PCDHGA4: variants seen among roughly 807,000 people sequenced by gnomAD.
PCDHGA4 encodes the protein protocadherin gamma-A4.
PCDHGA4 carries 38 observed loss-of-function variants against 54.6 expected under a neutral mutation model. The ratio of observed to expected loss-of-function variants is 0.70; its 90% CI spans 0.54 to 0.91. PCDHGA4 has a LOEUF of 0.91. Ranked by LOEUF, PCDHGA4 falls within the 40% of genes least tolerant of loss-of-function variation. PCDHGA4 has a pLI of 0.00. For synonymous variants in PCDHGA4, 511 were observed against 512.9 expected, an observed-to-expected ratio of 1.00 and a Z score of 0.05; for missense variants, 1,298 against 1,220.9, an observed-to-expected ratio of 1.06 and a Z score of -0.94.
intron 1 of PCDHGA4, among the ~76,000 whole-genome samples, chr5:141,363,289 T>C (rs537756758): frequency 6.6e-5 from 10 of 152,254 alleles, no homozygotes; most frequent in Non-Finnish European, 1.5e-4. Flanking sequence ...CCTAATTATA[T>C]AGAATTTTTA....
chr5:141,456,678 T>C (rs2098875796), intron 1 of PCDHGA4, among the ~76,000 whole-genome samples: 1 of 152,152 alleles, frequency 6.6e-6, no homozygotes, highest in South Asian at 2.1e-4. Flanking sequence ...TAAAAATGCA[T>C]TACTGGCCAG....
At chr5:141,367,549 T>TAAAA (rs1765228447) in intron 1 of PCDHGA4, 1 of 147,156 alleles carries the variant, frequency 6.8e-6, no homozygotes, top group South Asian at 2.1e-4. Flanking sequence ...AATAAATAAA[T>TAAAA]AAATAAATAA....
At position 141,364,870 on chromosome 5, in the gene PCDHGA4, G is replaced by A. The variant is rs767440295; in HGVS notation, c.2514+7249G>A. On this transcript the variant is annotated intron_variant, in intron 1 of 3. Coordinates refer to ENST00000571252, the MANE Select transcript of PCDHGA4 (RefSeq NM_018917.4). Reference sequence around the variant, plus strand: ...TCAGCTCCAATCTGCACTTCTCTCTGGATGTGGTAAGCGGAACTGATGGAC... The same window carrying A: ...TCAGCTCCAATCTGCACTTCTCTCTAGATGTGGTAAGCGGAACTGATGGAC... The A allele has an allele frequency of 1.1e-5, 17 of 1,613,978 alleles. No individual in the cohort carries two copies. In the Admixed American group the frequency reaches 1.8e-4, roughly 17 times the overall value.
At chr5:141,408,527 G>A in intron 1 of PCDHGA4, 1 of 1,614,072 alleles carries the variant, frequency 6.2e-7, no homozygotes, top group South Asian at 1.1e-5. Flanking sequence ...ATTGGAAGCT[G>A]TGGTGGAAAA....
rs201022238 is a variant in PCDHGA4 at position 141,415,678 on chromosome 5, G to A, written c.2514+58057G>A. 470 of 1,555,406 alleles carry A rather than the reference G, an allele frequency of 3.0e-4. 2 individuals carry two copies. In the African/African-American group the frequency reaches 5.9e-3, roughly 20 times the overall value. ...GATTGGTTTTTACTTTGAAGTTTGC[G>A]GCATGATGGTGGAAAGTGTAAATGC... On this transcript the variant is annotated intron_variant, in intron 1 of 3. Coordinates refer to ENST00000571252, the MANE Select transcript of PCDHGA4 (RefSeq NM_018917.4).
chr5:141,383,546 A>G (rs747474981), intron 1 of PCDHGA4: 1 of 1,612,542 alleles, frequency 6.2e-7, no homozygotes, highest in Non-Finnish European at 8.5e-7. Flanking sequence ...ACAGCCTCTG[A>G]TGGCGGCGAC....
intron 1 of PCDHGA4, chr5:141,370,361 T>G (rs747397059): frequency 1.4e-5 from 22 of 1,517,974 alleles, no homozygotes; most frequent in Non-Finnish European, 1.7e-5. Context: ...TCTCCTCTCC[T>G]CGGATTTAGA....
chr5:141,431,624 G>C lies in PCDHGA4; in HGVS notation c.2515-63183G>C. The C allele has an allele frequency of 2.5e-6, 4 of 1,614,234 alleles. No individual in the cohort carries two copies. Among genetic ancestry groups the C allele is most frequent in the Non-Finnish European group, 3.4e-6 (4 of 1,180,038 alleles). On this transcript the variant is annotated intron_variant, in intron 1 of 3. Transcript: ENST00000571252. This position sits in a 1 kb window ranked among gnomAD's most constrained non-coding sequence, Gnocchi z 4.8. ...CTTCCGGTATGTGGACGACAAGGCG[G>C]CCCAAGTTTTCAAACTAGATTGTAA...
rs1297266733 is a variant in PCDHGA4 at position 141,366,482 on chromosome 5, C to T, written c.2514+8861C>T. 5 of 1,614,124 alleles carry T rather than the reference C, an allele frequency of 3.1e-6. No homozygotes were observed. In the African/African-American group the frequency reaches 6.7e-5, roughly 22 times the overall value. On this transcript the variant is annotated intron_variant, in intron 1 of 3. Coordinates refer to ENST00000571252, the MANE Select transcript of PCDHGA4 (RefSeq NM_018917.4). ...CGTGCTGCTGGTGCTCAGACTGAGG[C>T]GCTGGCACAAGTCACGCCTGCTTCA...
intron 1 of PCDHGA4, chr5:141,404,402 A>T: frequency 6.2e-7 from 1 of 1,613,850 alleles, no homozygotes; most frequent in Non-Finnish European, 8.5e-7. Context: ...TAGCAATGAG[A>T]ATTCTAGAGT....
chr5:141,413,850 C>G (rs2095685833), intron 1 of PCDHGA4: 3 of 1,613,244 alleles, frequency 1.9e-6, no homozygotes, highest in East Asian at 2.2e-5. Context: ...GTGACCCTCT[C>G]CGATCTGGCA....
intron 1 of PCDHGA4, chr5:141,394,476 C>T (rs763209018): frequency 3.8e-5 from 61 of 1,614,238 alleles, no homozygotes; most frequent in Admixed American, 1.7e-4. Flanking sequence ...CGTGCTGGAC[C>T]AGAATGACAA....
At chr5:141,370,208 G>T (rs1418210186) in intron 1 of PCDHGA4, 3 of 550,220 alleles carry the variant, frequency 5.5e-6, no homozygotes, top group African/African-American at 1.9e-5. Flanking sequence ...CAAAATATTG[G>T]CTCCTCCCGC....
intron 1 of PCDHGA4, chr5:141,384,697 C>CA (rs1290309898): frequency 6.2e-7 from 1 of 1,614,142 alleles, no homozygotes; most frequent in Non-Finnish European, 8.5e-7. Context: ...AGATTCAGGC[C>CA]AGAACGCCTG....
chr5:141,441,918 C>A (rs1183933153), intron 1 of PCDHGA4: 8 of 351,246 alleles, frequency 2.3e-5, no homozygotes, highest in African/African-American at 1.1e-4. Flanking sequence ...ATGTGAGACA[C>A]AATGCGTGGC....
intron 2 of PCDHGA4, among the ~76,000 whole-genome samples, chr5:141,495,094 C>T (rs1470702358): frequency 6.6e-6 from 1 of 152,156 alleles, no homozygotes; most frequent in African/African-American, 2.4e-5. Flanking sequence ...CTTCCCTCCT[C>T]GCCACGACCG....
chr5:141,413,435 G>T lies in PCDHGA4; in HGVS notation c.2514+55814G>T, dbSNP rs1018097924. 17 of 1,614,004 alleles carry T rather than the reference G, an allele frequency of 1.1e-5. No homozygotes were observed. The African/African-American group carries it at 2.1e-4, about 20-fold the overall frequency. On this transcript the variant is annotated intron_variant, in intron 1 of 3. Coordinates refer to ENST00000571252, the MANE Select transcript of PCDHGA4 (RefSeq NM_018917.4). Reference sequence around the variant, plus strand: ...TTCTCTCTGAACCCGCGCAGCGGCAGCTTGATCACCGCGGGCAGGATAGAC... The same window carrying T: ...TTCTCTCTGAACCCGCGCAGCGGCATCTTGATCACCGCGGGCAGGATAGAC...
chr5:141,408,863 C>T, intron 1 of PCDHGA4: 1 of 1,613,604 alleles, frequency 6.2e-7, no homozygotes, highest in Non-Finnish European at 8.5e-7. Context: ...AGGGGACCCA[C>T]CAAGAAGTGC....
At chr5:141,463,518 G>C (rs537466389) in intron 1 of PCDHGA4, among the ~76,000 whole-genome samples, 1 of 139,068 alleles carries the variant, frequency 7.2e-6, no homozygotes, top group African/African-American at 2.8e-5. Context: ...GCGTGATCTC[G>C]GCTTACTAGA....
Sources: allele counts gnomAD v4.1 joint callset (sites outside exome capture counted in the v4.1 genomes callset), GRCh38; gene constraint gnomAD v4.1.1; non-coding constraint Gnocchi (gnomAD v3.1); transcripts MANE v1.5; gene names NCBI Gene and HGNC (gene_info 2026-07-23, HGNC 2026-07-21).